RTEL1: variants seen among roughly 807,000 people sequenced by gnomAD.
RTEL1 encodes regulator of telomere length.
RTEL1 carries 86 observed loss-of-function variants against 162.2 expected under a neutral mutation model. The ratio of observed to expected loss-of-function variants is 0.53; its 90% CI spans 0.45 to 0.63. The LOEUF is 0.63. RTEL1 is among the 30% of genes least tolerant of loss of function. RTEL1 has a pLI of 0.00. For synonymous variants in RTEL1, 958 were observed against 717.9 expected (o/e 1.33, Z -5.35); for missense variants, 1,941 against 1,750.2 (o/e 1.11, Z -1.95).
At chr20:63,671,945 A>G (rs1310788141) in intron 8 of RTEL1, among the ~76,000 whole-genome samples, 1 of 151,836 alleles carries the variant, frequency 6.6e-6, no homozygotes, top group African/African-American at 2.4e-5. Context: ...GTGCAGTGAC[A>G]CAATCTCGGC....
intron 31 of RTEL1, 59 bp from the exon 32 acceptor site, chr20:63,694,682 G>C (rs1380432114): frequency 1.3e-5 from 19 of 1,429,080 alleles, no homozygotes; most frequent in African/African-American, 4.3e-5. Flanking sequence ...CGGGCAGGGC[G>C]GTGGGACTCT....
Position 63,689,662 on chromosome 20 carries a change from G to A in RTEL1, c.2025+14G>A. 1 of 1,609,884 alleles carries A rather than the reference G, an allele frequency of 6.2e-7. No homozygotes were observed. Among genetic ancestry groups the A allele is most frequent in the Non-Finnish European group, 8.5e-7 (1 of 1,178,232 alleles). ...GCTGGGGGCCAGGTGAGTTACAGCAGGGTGGGGCTGGGGTAAGGCGGTCTG... is the reference window on the plus strand; with the variant it reads ...GCTGGGGGCCAGGTGAGTTACAGCAAGGTGGGGCTGGGGTAAGGCGGTCTG... On this transcript the variant is annotated intron_variant, in intron 23 of 34. Transcript: ENST00000360203.
At chr20:63,677,297 G>A (rs1305844992) in intron 10 of RTEL1, among the ~76,000 whole-genome samples, 1 of 152,220 alleles carries the variant, frequency 6.6e-6, no homozygotes, top group Non-Finnish European at 1.5e-5. Flanking sequence ...ATACGCACAG[G>A]TGTGTTCACA....
chr20:63,682,070 G>A, intron 14 of RTEL1: 1 of 985,458 alleles, frequency 1.0e-6, no homozygotes, highest in Non-Finnish European at 1.2e-6. Context: ...GGCCTGGAGG[G>A]CAGGTGTGAG....
chr20:63,682,774 C>T, intron 14 of RTEL1: 1 of 852,248 alleles, frequency 1.2e-6, no homozygotes, highest in Middle Eastern at 6.0e-4. Context: ...GGATGCACAG[C>T]TCAGCTGGAG....
intron 14 of RTEL1, 144 bp downstream of exon 14, chr20:63,680,863 C>T (rs2090464770): frequency 6.7e-7 from 1 of 1,491,332 alleles, no homozygotes; most frequent in African/African-American, 1.4e-5. Context: ...AAACTCTCGG[C>T]TCCTTTCCAG....
chr20:63,691,661 T>A, intron 27 of RTEL1, 81 bp from the exon 28 acceptor site: 1 of 1,278,850 alleles, frequency 7.8e-7, no homozygotes, highest in South Asian at 1.2e-5. Flanking sequence ...TGGGACCATC[T>A]TCCCTGTGCG....
chr20:63,684,876 GTTGAATT>G (rs1351876494), intron 14 of RTEL1, among the ~76,000 whole-genome samples: 1 of 151,400 alleles, frequency 6.6e-6, no homozygotes, highest in Non-Finnish European at 1.5e-5. Flanking sequence ...ACTAGAATGT[GTTGAATT>G]CCTGTTTTTT....
intron 10 of RTEL1, among the ~76,000 whole-genome samples, chr20:63,674,910 CTT>C (rs935691389): frequency 1.7e-4 from 24 of 142,458 alleles, no homozygotes; most frequent in Non-Finnish European, 2.0e-4. Flanking sequence ...TATTTTCTTT[CTT>C]TTTTTTTTTT....
chr20:63,659,285 G>C lies in RTEL1; in HGVS notation c.-118G>C. 1 of 710,126 alleles carries C rather than the reference G, an allele frequency of 1.4e-6. No homozygotes were observed. The highest frequency in any genetic ancestry group is 2.6e-6 in the Non-Finnish European group (1 of 386,482). 44.0% of individuals were successfully genotyped at this position (710,126 alleles called of 1,614,324 possible). ...AACAGCGTTGTGTCCCAGTGCACAT[G>C]CTCGCATCGCTTACCAGGAGTGCCC... On this transcript the variant is annotated 5_prime_UTR_variant, in exon 2 of 35. The change abolishes an upstream ATG in the 5' untranslated region. Transcript: ENST00000360203.
At chr20:63,689,917 A>G in intron 24 of RTEL1, 52 bp downstream of exon 24, 1 of 1,557,830 alleles carries the variant, frequency 6.4e-7, no homozygotes, top group Non-Finnish European at 8.7e-7. Flanking sequence ...CCCACACCCC[A>G]CTGGGCCCCT....
In RTEL1 at chr20:63,694,458, C is replaced by A; in HGVS notation, c.3079C>A (p.Pro1027Thr). The change falls in exon 31 of 35, where the codon CCC becomes ACC. Residue 1027 changes from proline to threonine, a missense_variant. Pro to Thr is a conservative substitution (Grantham distance 38, BLOSUM62 -1). Coordinates refer to ENST00000360203, the MANE Select transcript of RTEL1 (RefSeq NM_001283009.2). ...CCAAGAGCACCTGAACCAGGGCAGG[C>A]CCCACCTGTCGCCCAGGCCACCCCC... Reference protein sequence around the residue: ...DPQEHLNQGRPHLSPRPPPTG... With the variant: ...DPQEHLNQGRTHLSPRPPPTG... 6.2e-7 allele frequency: 1 copy of A among 1,605,834 alleles called. No individual in the cohort carries two copies. Among genetic ancestry groups the A allele is most frequent in the Non-Finnish European group, 8.5e-7 (1 of 1,174,340 alleles).
Position 63,679,907 on chromosome 20 carries a change from C to T in RTEL1, c.1096C>T (p.Leu366=), listed in dbSNP as rs1195979662. The T allele has an allele frequency of 5.6e-6, 9 of 1,612,562 alleles. No individual in the cohort carries two copies. Among genetic ancestry groups the T allele is most frequent in the Non-Finnish European group, 6.8e-6 (8 of 1,179,930 alleles). Residue 366 remains leucine, a synonymous_variant, in exon 13 of 35, where the codon CTG becomes TTG. Coordinates refer to ENST00000360203, the MANE Select transcript of RTEL1 (RefSeq NM_001283009.2). ...QITFQTKGCI[L]DSLDQIIQHL... ...CACGTTTCAGACCAAGGGCTGCATCCTGGACTCGCTGGACCAGATCATCCA... is the reference window on the plus strand; with the variant it reads ...CACGTTTCAGACCAAGGGCTGCATCTTGGACTCGCTGGACCAGATCATCCA...
In RTEL1 at chr20:63,695,581, CGTG is replaced by C. The variant is rs2090959009; in HGVS notation, c.3757_3759del (p.Val1253del). 1.2e-6 allele frequency: 2 copies of C among 1,612,024 alleles called. No individual in the cohort carries two copies. The highest frequency in any genetic ancestry group is 1.7e-6 in the Non-Finnish European group (2 of 1,179,908). ...TGTGCCAGGGCTGTGGGGCAGAGGA[CGTG>C]GTGCCCTTCCAGTGCCCTGCCTGTG... On this transcript the variant is annotated inframe_deletion, in exon 34 of 35. Coordinates refer to ENST00000360203, the MANE Select transcript of RTEL1 (RefSeq NM_001283009.2).
intron 8 of RTEL1, 81 bp downstream of exon 8, chr20:63,667,634 C>A: frequency 8.7e-7 from 1 of 1,151,960 alleles, no homozygotes; most frequent in Non-Finnish European, 1.3e-6. Flanking sequence ...CGAGCCTTTG[C>A]TGCTTCAGGG....
At position 63,678,321 on chromosome 20, in the gene RTEL1, G is replaced by C. The variant is rs116495318; in HGVS notation, c.1012G>C (p.Asp338His). The C allele has an allele frequency of 1.2e-6, 2 of 1,612,920 alleles. No homozygotes were observed. The highest frequency in any genetic ancestry group is 2.2e-5 in the South Asian group (2 of 90,984). Residue 338 changes from aspartate (D) to histidine (H), a missense_variant, in exon 12 of 35, where the codon GAC becomes CAC. Physicochemically the swap from Asp to His is moderately conservative, Grantham distance 81 (BLOSUM62 -1). Transcript: ENST00000360203. ...AIDAVELPGDDSGVTKPGSYI... is the reference protein window; with the variant it reads ...AIDAVELPGDHSGVTKPGSYI... ...CGATGCTGTTGAGCTGCCTGGAGACGACAGCGGTGTCACCAAGCCAGGGAG... is the reference window on the plus strand; with the variant it reads ...CGATGCTGTTGAGCTGCCTGGAGACCACAGCGGTGTCACCAAGCCAGGGAG...
chr20:63,689,660 C>A lies in RTEL1; in HGVS notation c.2025+12C>A, dbSNP rs2090678468. The A allele has an allele frequency of 6.2e-7, 1 of 1,609,538 alleles. No individual in the cohort carries two copies. Among genetic ancestry groups the A allele is most frequent in the African/African-American group, 1.3e-5 (1 of 74,876 alleles). On this transcript the variant is annotated intron_variant, in intron 23 of 34. Transcript: ENST00000360203. The stretch of plus-strand genomic sequence containing the variant: ...GGGCTGGGGGCCAGGTGAGTTACAG[C>A]AGGGTGGGGCTGGGGTAAGGCGGTC...
intron 14 of RTEL1, chr20:63,681,205 G>C: frequency 2.0e-6 from 2 of 985,410 alleles, no homozygotes; most frequent in Non-Finnish European, 2.4e-6. Flanking sequence ...CATTGGCCCC[G>C]TCCTGTCCTG....
intron 10 of RTEL1, 29 bp downstream of exon 10, chr20:63,674,122 T>C: frequency 6.3e-7 from 1 of 1,581,936 alleles, no homozygotes; most frequent in Non-Finnish European, 8.6e-7. Flanking sequence ...TGCTTGGTCC[T>C]GAGGCCTGCG....
Sources: gnomAD v4.1 joint callset for allele counts (sites outside exome capture counted in the v4.1 genomes callset) on GRCh38, gnomAD v4.1.1 for gene constraint, MANE v1.5 for transcripts, NCBI Gene and HGNC (gene_info 2026-07-23, HGNC 2026-07-21) for gene names.